The following ADAM10 variants were observed in gnomAD, a reference collection of about 807,000 sequenced individuals.
The protein encoded by ADAM10 is ADAM metallopeptidase domain 10.
In ADAM10, 17 loss-of-function variants were observed where a neutral mutation model predicts 90.1. The ratio of observed to expected loss-of-function variants is 0.19; its 90% CI spans 0.13 to 0.28. ADAM10 has a LOEUF of 0.28. ADAM10 is among the 10% of genes least tolerant of loss of function. The pLI, the probability that ADAM10 is intolerant of heterozygous loss-of-function variation, is 1.00. For missense variants in ADAM10, 610 were observed against 914.3 expected (o/e 0.67, Z 4.29); for synonymous variants, 310 against 298.6 (o/e 1.04, Z -0.40).
At chr15:58,602,059 G>A (rs182335527) in intron 14 of ADAM10, among the ~76,000 whole-genome samples, 35 of 152,062 alleles carry the variant, frequency 2.3e-4, no homozygotes, top group Admixed American at 5.2e-4. Context: ...AATTTTGTAG[G>A]GACCTAATTT....
chr15:58,730,300 G>A (rs901782637), intron 1 of ADAM10, among the ~76,000 whole-genome samples: 2 of 152,196 alleles, frequency 1.3e-5, no homozygotes, highest in East Asian at 1.9e-4. Context: ...TAACGTAGAA[G>A]AAGGGTTGGC....
chr15:58,604,377 A>G (rs1895207952), intron 14 of ADAM10, among the ~76,000 whole-genome samples: 1 of 152,106 alleles, frequency 6.6e-6, no homozygotes, highest in Non-Finnish European at 1.5e-5. Flanking sequence ...AAAAATAAAC[A>G]AAGAACTTAG....
intron 1 of ADAM10, among the ~76,000 whole-genome samples, chr15:58,727,093 A>T (rs1899056190): frequency 6.7e-6 from 1 of 149,192 alleles, no homozygotes; most frequent in African/African-American, 2.5e-5. Context: ...TGTACCCTCA[A>T]CCTCCTAGCT....
chr15:58,704,862 C>A (rs1898234570), intron 2 of ADAM10, among the ~76,000 whole-genome samples: 1 of 152,088 alleles, frequency 6.6e-6, no homozygotes, highest in South Asian at 2.1e-4. Context: ...GAGTAGAACT[C>A]TAGTATTTGG....
intron 2 of ADAM10, among the ~76,000 whole-genome samples, chr15:58,715,414 C>CA (rs201008048): frequency 0.24 from 30,275 of 128,256 alleles, 3,481 homozygotes; most frequent in East Asian, 0.53. Context: ...GACTCTGTCT[C>CA]AAAAAAAAAA....
intron 1 of ADAM10, among the ~76,000 whole-genome samples, chr15:58,743,868 A>G (rs1466805005): frequency 6.6e-6 from 1 of 152,218 alleles, no homozygotes; most frequent in Non-Finnish European, 1.5e-5. Flanking sequence ...TCAGCCTCCC[A>G]AAGTGCCGGG....
intron 2 of ADAM10, chr15:58,692,628 CTCTG>C: frequency 1.8e-6 from 1 of 559,612 alleles, no homozygotes; most frequent in Non-Finnish European, 3.6e-6. Flanking sequence ...CTTCTAAGTA[CTCTG>C]TCTGATCTTC....
At position 58,712,393 on chromosome 15, in the gene ADAM10, G is replaced by A. The variant is rs1898502870; in HGVS notation, c.206+5184C>T. Among the ~76,000 whole-genome samples the A allele has an allele frequency of 4.0e-5, 6 of 151,888 alleles. No individual in the cohort carries two copies. In the South Asian group the frequency reaches 1.2e-3, roughly 31 times the overall value. On this transcript the variant is annotated intron_variant, in intron 2 of 15. Coordinates refer to ENST00000260408, the MANE Select transcript of ADAM10 (RefSeq NM_001110.4). ...ATGAAAATTAGCTAGGCATGGTGGTGTGTGCCTGTAGTCCCAGCTACTCAG... is the reference window on the plus strand; with the variant it reads ...ATGAAAATTAGCTAGGCATGGTGGTATGTGCCTGTAGTCCCAGCTACTCAG...
chr15:58,695,763 T>A (rs1412131512), intron 2 of ADAM10, among the ~76,000 whole-genome samples: 1 of 152,000 alleles, frequency 6.6e-6, no homozygotes, highest in Non-Finnish European at 1.5e-5. Flanking sequence ...GGATAGATAT[T>A]TGAGGTCAGG....
At chr15:58,646,663 G>T (rs1421960937) in intron 5 of ADAM10, among the ~76,000 whole-genome samples, 1 of 152,108 alleles carries the variant, frequency 6.6e-6, no homozygotes, top group Non-Finnish European at 1.5e-5. Flanking sequence ...TCAACCAATA[G>T]CCACTAATGG....
At chr15:58,638,614 C>CAAAAAAAAA (rs60048171) in intron 8 of ADAM10, among the ~76,000 whole-genome samples, 10 of 78,212 alleles carry the variant, frequency 1.3e-4, no homozygotes, top group Non-Finnish European at 1.6e-4. Context: ...CACTCTGTCT[C>CAAAAAAAAA]AAAAAAAAAA....
rs114063257 is a variant in ADAM10, at chr15:58,691,159, T to C, written c.207-8845A>G. ...GGTGAAGACACAAGCCTACTGGAGA[T>C]TGTCACCCGCTCAACCTTCTTATCT... is the stretch of plus-strand genomic sequence containing the variant. On this transcript the variant is annotated intron_variant, in intron 2 of 15. Coordinates refer to ENST00000260408, the MANE Select transcript of ADAM10 (RefSeq NM_001110.4). 1,860 of 704,050 alleles carry C rather than the reference T, an allele frequency of 2.6e-3. 33 individuals carry two copies. The African/African-American group carries it at 0.029, about 11-fold the overall frequency. 43.6% of individuals were successfully genotyped at this position (704,050 alleles called of 1,614,324 possible).
intron 2 of ADAM10, among the ~76,000 whole-genome samples, chr15:58,714,104 A>T (rs1169450489): frequency 2.0e-5 from 3 of 152,008 alleles, no homozygotes. Flanking sequence ...GCACCTGGCC[A>T]TAGAATTCTT....
chr15:58,646,351 A>C, intron 5 of ADAM10, 147 bp from the exon 6 acceptor site: 1 of 817,724 alleles, frequency 1.2e-6, no homozygotes, highest in Non-Finnish European at 1.9e-6. Context: ...TCATAAAATC[A>C]CTTTGTCTCA....
intron 5 of ADAM10, among the ~76,000 whole-genome samples, chr15:58,657,423 A>G (rs1896854388): frequency 6.6e-6 from 1 of 152,162 alleles, no homozygotes; most frequent in East Asian, 1.9e-4. Flanking sequence ...ATTTTCAAAT[A>G]GCCTGTCTTC....
At chr15:58,655,661 CATA>C (rs1896789444) in intron 5 of ADAM10, among the ~76,000 whole-genome samples, 1 of 51,254 alleles carries the variant, frequency 2.0e-5, no homozygotes, top group African/African-American at 2.8e-4. Context: ...TGCATACATA[CATA>C]CATACATACA....
chr15:58,682,734 C>G (rs905300248), intron 2 of ADAM10, among the ~76,000 whole-genome samples: 4 of 152,106 alleles, frequency 2.6e-5, no homozygotes, highest in Non-Finnish European at 5.9e-5. Flanking sequence ...TAAGAAAATA[C>G]AGAAGAAAGC....
intron 14 of ADAM10, among the ~76,000 whole-genome samples, chr15:58,600,727 G>T (rs935171324): frequency 6.6e-6 from 1 of 152,072 alleles, no homozygotes; most frequent in Non-Finnish European, 1.5e-5. Flanking sequence ...ATTATATTTT[G>T]CAATTCCAAA....
intron 2 of ADAM10, among the ~76,000 whole-genome samples, chr15:58,711,375 G>A (rs1291615967): frequency 2.0e-5 from 3 of 152,160 alleles, no homozygotes; most frequent in African/African-American, 7.2e-5. Context: ...GAATTTTAAA[G>A]CATAAAGGAG....
Sources: allele counts gnomAD v4.1 joint callset (sites outside exome capture counted in the v4.1 genomes callset), GRCh38; gene constraint gnomAD v4.1.1; transcripts MANE v1.5; gene names NCBI Gene and HGNC (gene_info 2026-07-23, HGNC 2026-07-21).